NREP: variants seen among roughly 807,000 people sequenced by gnomAD.
The protein encoded by NREP is neuronal regeneration-related protein.
Under a neutral mutation model 8.6 loss-of-function variants are expected in NREP, and 5 were observed. The ratio of observed to expected loss-of-function variants is 0.58; its 90% CI spans 0.30 to 1.22. NREP has a LOEUF of 1.22. Ranked by LOEUF, NREP falls within the 50% of genes most tolerant of loss-of-function variation. The pLI is 0.07. For synonymous variants in NREP, 27 were observed against 28.0 expected, an observed-to-expected ratio of 0.96 and a Z score of 0.11; for missense variants, 86 against 82.5, an observed-to-expected ratio of 1.04 and a Z score of -0.17.
chr5:111,874,605 G>C (rs1394513321), intron 2 of NREP, among the ~76,000 whole-genome samples: 1 of 152,172 alleles, frequency 6.6e-6, no homozygotes, highest in Non-Finnish European at 1.5e-5. Context: ...TTTGAGTAAA[G>C]ACAGTAAAGA....
At chr5:111,749,158 A>G (rs1258301356) in intron 2 of NREP, among the ~76,000 whole-genome samples, 1 of 152,178 alleles carries the variant, frequency 6.6e-6, no homozygotes, top group Non-Finnish European at 1.5e-5. Flanking sequence ...TAATTCATAT[A>G]GTTCCTGGCT....
chr5:111,741,786 T>G (rs1017743847), intron 2 of NREP, among the ~76,000 whole-genome samples: 12 of 150,786 alleles, frequency 8.0e-5, no homozygotes, highest in African/African-American at 2.9e-4. Context: ...GCTTGGGGGC[T>G]AAACGAAACA....
intron 2 of NREP, among the ~76,000 whole-genome samples, chr5:111,753,018 AAATT>A (rs1240988312): frequency 6.6e-6 from 1 of 152,166 alleles, no homozygotes; most frequent in African/African-American, 2.4e-5. Flanking sequence ...AGCCAAATGT[AAATT>A]AAAGAAATGC....
chr5:111,788,093 C>T (rs535738496), intron 2 of NREP, among the ~76,000 whole-genome samples: 4 of 151,988 alleles, frequency 2.6e-5, no homozygotes, highest in Non-Finnish European at 5.9e-5. Context: ...CCTATCTCAA[C>T]AACAACAACA....
At chr5:111,857,912 C>A (rs975462741) in intron 2 of NREP, among the ~76,000 whole-genome samples, 1 of 151,730 alleles carries the variant, frequency 6.6e-6, no homozygotes, top group Non-Finnish European at 1.5e-5. Context: ...GCCACTGTCC[C>A]AAGTGGGAGT....
At chr5:111,930,207 G>A (rs958170005) in intron 2 of NREP, among the ~76,000 whole-genome samples, 5 of 152,040 alleles carry the variant, frequency 3.3e-5, no homozygotes, top group African/African-American at 1.2e-4. Context: ...GGGGAGAGGT[G>A]AAACAGAGAG....
intron 2 of NREP, among the ~76,000 whole-genome samples, chr5:111,821,997 T>C (rs963969559): frequency 6.6e-6 from 1 of 152,196 alleles, no homozygotes; most frequent in African/African-American, 2.4e-5. Context: ...TTTCTGTATA[T>C]ATATTTTAAG....
At chr5:111,960,165 G>T (rs1182111092) in intron 2 of NREP, among the ~76,000 whole-genome samples, 7 of 152,158 alleles carry the variant, frequency 4.6e-5, no homozygotes, top group Non-Finnish European at 4.4e-5. Flanking sequence ...AACACTGGCT[G>T]TGAGATTTTT....
chr5:111,900,188 G>A (rs1480646650), intron 2 of NREP, among the ~76,000 whole-genome samples: 2 of 151,836 alleles, frequency 1.3e-5, no homozygotes, highest in African/African-American at 4.8e-5. Context: ...ACATGCTCAT[G>A]GGTCAAGGAA....
At position 111,740,582 on chromosome 5, in the gene NREP, T is replaced by C. The variant is rs112010369; in HGVS notation, c.4-5075A>G. On this transcript the variant is annotated intron_variant, in intron 2 of 3. Coordinates refer to ENST00000257435, the MANE Select transcript of NREP (RefSeq NM_004772.4). ...GGTAATTATTGCTTAGTATAAACTA[T>C]TATTAATAGCTGACAACTAGTGCTC... Among the ~76,000 whole-genome samples, 702 of 152,238 alleles carry C rather than the reference T, an allele frequency of 4.6e-3. 5 individuals carry two copies. Among genetic ancestry groups the C allele is most frequent in the African/African-American group, 0.016 (677 of 41,552 alleles).
At chr5:111,948,358 C>A (rs1285951087) in intron 2 of NREP, among the ~76,000 whole-genome samples, 1 of 152,062 alleles carries the variant, frequency 6.6e-6, no homozygotes, top group Admixed American at 6.6e-5. Flanking sequence ...AAATGAATTC[C>A]CACTATTTTA....
chr5:111,841,758 T>C (rs1561689235), intron 2 of NREP, among the ~76,000 whole-genome samples: 1 of 152,150 alleles, frequency 6.6e-6, no homozygotes, highest in Non-Finnish European at 1.5e-5. Flanking sequence ...GACTCAGTGA[T>C]TTCGAATAGG....
chr5:111,876,877 G>A (rs1753922808), intron 2 of NREP, among the ~76,000 whole-genome samples: 1 of 152,092 alleles, frequency 6.6e-6, no homozygotes, highest in Non-Finnish European at 1.5e-5. Context: ...GAAGAAATTG[G>A]GGCACAGAAA....
At chr5:111,743,995 TA>T (rs1749842797) in intron 2 of NREP, among the ~76,000 whole-genome samples, 2 of 152,086 alleles carry the variant, frequency 1.3e-5, no homozygotes, top group South Asian at 4.1e-4. Context: ...GCTGATGAGG[TA>T]AGTATTTATT....
intron 2 of NREP, among the ~76,000 whole-genome samples, chr5:111,957,998 T>A (rs980888): frequency 1.3e-5 from 2 of 151,668 alleles, no homozygotes; most frequent in African/African-American, 4.8e-5. Context: ...CCCAGCAAAG[T>A]AGCACCAAAG....
intron 2 of NREP, among the ~76,000 whole-genome samples, chr5:111,961,146 G>C (rs1756469047): frequency 6.6e-6 from 1 of 151,702 alleles, no homozygotes; most frequent in Non-Finnish European, 1.5e-5. Flanking sequence ...ACTTTTCAAG[G>C]CCACATAAGT....
At chr5:111,913,091 T>C (rs1754958565) in intron 2 of NREP, among the ~76,000 whole-genome samples, 3 of 152,154 alleles carry the variant, frequency 2.0e-5, no homozygotes, top group Admixed American at 2.0e-4. Flanking sequence ...CAATTTTTCA[T>C]TTTACAGCAC....
chr5:111,818,166 T>C (rs930340487), intron 2 of NREP, among the ~76,000 whole-genome samples: 2 of 152,310 alleles, frequency 1.3e-5, no homozygotes, highest in East Asian at 3.9e-4. Flanking sequence ...AATTAGATCA[T>C]ACATTTTTAA....
At chr5:111,946,093 C>CACAT (rs775065743) in intron 2 of NREP, among the ~76,000 whole-genome samples, 1 of 128,118 alleles carries the variant, frequency 7.8e-6, no homozygotes, top group East Asian at 2.7e-4. Context: ...CACACACACA[C>CACAT]ACACACACAT....
Sources: gnomAD v4.1 joint callset for allele counts (sites outside exome capture counted in the v4.1 genomes callset) on GRCh38, gnomAD v4.1.1 for gene constraint, MANE v1.5 for transcripts, NCBI Gene and HGNC (gene_info 2026-07-23, HGNC 2026-07-21) for gene names.